WNK3: variants seen among roughly 807,000 people sequenced by gnomAD.
WNK3 encodes the protein WNK lysine deficient protein kinase 3.
Under a neutral mutation model 116.7 loss-of-function variants are expected in WNK3, and 18 were observed. That is an observed-to-expected ratio of 0.15 (90% CI 0.11 to 0.23). WNK3 has a LOEUF of 0.23. Among genes scored for constraint, WNK3 ranks in the 10% least tolerant of loss-of-function variants. The pLI is 1.00. For missense variants in WNK3, 993 were observed against 1,323.8 expected, an observed-to-expected ratio of 0.75 and a Z score of 3.88; for synonymous variants, 404 against 469.4, an observed-to-expected ratio of 0.86 and a Z score of 1.80.
intron 17 of WNK3, among the ~76,000 whole-genome samples, chrX:54,242,344 C>T (rs2068030902): frequency 8.9e-6 from 1 of 112,072 alleles, no homozygotes; most frequent in African/African-American, 3.2e-5. Context: ...AATCTGTCAA[C>T]AGTCCACAGA....
intron 11 of WNK3, among the ~76,000 whole-genome samples, chrX:54,258,277 C>CAAAAAAA: frequency 3.6e-5 from 1 of 28,012 alleles, no homozygotes; most frequent in Non-Finnish European, 7.3e-5. Flanking sequence ...GACTCCATCT[C>CAAAAAAA]AAAAAAAAAA....
At chrX:54,249,525 C>T in exon 17 of WNK3, 1 of 1,211,763 alleles carries the variant, frequency 8.3e-7, no homozygotes, top group South Asian at 1.8e-5. Flanking sequence ...TACCATCAAC[C>T]ACATCCTTGT....
chrX:54,342,134 G>A (rs1417316824), intron 1 of WNK3, among the ~76,000 whole-genome samples: 1 of 110,847 alleles, frequency 9.0e-6, no homozygotes, highest in Admixed American at 9.7e-5. Flanking sequence ...TGGGCACGGT[G>A]GTCCACGCCT....
At chrX:54,266,586 G>A (rs1279019110) in intron 10 of WNK3, among the ~76,000 whole-genome samples, 6 of 110,390 alleles carry the variant, frequency 5.4e-5, no homozygotes, top group African/African-American at 2.0e-4. Flanking sequence ...CAGCCAGGCT[G>A]AAGTGCAATA....
chrX:54,273,537 C>T (rs2068408198), intron 10 of WNK3, among the ~76,000 whole-genome samples: 1 of 111,723 alleles, frequency 9.0e-6, no homozygotes, highest in Non-Finnish European at 1.9e-5. Flanking sequence ...GCGAGACTCC[C>T]ATCTTAAAGC....
At chrX:54,205,291 A>G (rs1230073507) in intron 22 of WNK3, among the ~76,000 whole-genome samples, 12 of 110,532 alleles carry the variant, frequency 1.1e-4, no homozygotes, top group African/African-American at 3.3e-4. Flanking sequence ...AACAAAAAAA[A>G]GAACATTTCT....
At chrX:54,244,706 A>G (rs2068057369) in intron 17 of WNK3, among the ~76,000 whole-genome samples, 1 of 111,957 alleles carries the variant, frequency 8.9e-6, no homozygotes, top group Admixed American at 9.5e-5. Flanking sequence ...ATCTTATGTA[A>G]AGTGCTGATT....
intron 17 of WNK3, among the ~76,000 whole-genome samples, chrX:54,243,903 T>C (rs781938071): frequency 3.6e-5 from 4 of 111,823 alleles, no homozygotes; most frequent in Admixed American, 9.5e-5. Flanking sequence ...AATGAATGGA[T>C]AAACAAAATG....
At chrX:54,201,929 G>T in intron 23 of WNK3, 62 bp downstream of exon 23, 2 of 1,017,439 alleles carry the variant, frequency 2.0e-6, no homozygotes, top group Non-Finnish European at 2.7e-6. Context: ...ATAGGCCTAA[G>T]CGCATCAATT....
intron 1 of WNK3, among the ~76,000 whole-genome samples, chrX:54,335,058 C>T (rs1411247097): frequency 1.8e-5 from 2 of 110,189 alleles, no homozygotes; most frequent in East Asian, 2.8e-4. Context: ...GTCAGGAGTT[C>T]GAGACCAAAC....
At chrX:54,214,489 A>G (rs1017085831) in intron 22 of WNK3, among the ~76,000 whole-genome samples, 2 of 111,776 alleles carry the variant, frequency 1.8e-5, no homozygotes, top group Non-Finnish European at 3.8e-5. Flanking sequence ...AACAATAAAA[A>G]TATAGGCAAA....
At chrX:54,346,003 AATAT>A (rs2069419157) in intron 1 of WNK3, among the ~76,000 whole-genome samples, 1 of 108,465 alleles carries the variant, frequency 9.2e-6, no homozygotes, top group Non-Finnish European at 1.9e-5. Flanking sequence ...TCCCAATATA[AATAT>A]ATAATTACAA....
rs184446758 is a variant in WNK3, at chrX:54,247,741, C to T, written c.3651+956G>A. ...CAGCAATAAAGATTTAGAAAGATGT[C>T]CATGATCTACTGTAAAATGAAAAAA... On this transcript the variant is annotated intron_variant, in intron 17 of 23. Coordinates refer to ENST00000354646, the Ensembl canonical transcript of WNK3. 3.6e-3 allele frequency among the ~76,000 whole-genome samples: 393 copies of T among 109,955 alleles called. 2 individuals are homozygous for T. Among genetic ancestry groups the T allele is most frequent in the African/African-American group, 0.012 (364 of 30,369 alleles).
chrX:54,213,330 G>A (rs782439893), intron 22 of WNK3, among the ~76,000 whole-genome samples: 3 of 108,294 alleles, frequency 2.8e-5, no homozygotes, highest in East Asian at 2.8e-4. Context: ...TGAGGTGGGC[G>A]CATCACAAGG....
chrX:54,249,625 T>C, exon 17 of WNK3: 1 of 1,205,216 alleles, frequency 8.3e-7, no homozygotes, highest in Non-Finnish European at 1.1e-6. Flanking sequence ...ATTACTTGTG[T>C]TTTTTGGACC....
At chrX:54,215,337 C>A (rs369611017) in intron 22 of WNK3, among the ~76,000 whole-genome samples, 1 of 111,036 alleles carries the variant, frequency 9.0e-6, no homozygotes, top group African/African-American at 3.3e-5. Context: ...ATTGCAGGCG[C>A]GCGCCGCCAC....
intron 5 of WNK3, among the ~76,000 whole-genome samples, chrX:54,302,731 C>CTCTCTCTATATATATA (rs1285084720): frequency 2.8e-5 from 1 of 35,535 alleles, no homozygotes. Context: ...CTCTCTCTCT[C>CTCTCTCTATATATATA]TATATATATA....
At chrX:54,258,637 A>G (rs999781697) in intron 11 of WNK3, among the ~76,000 whole-genome samples, 1 of 110,677 alleles carries the variant, frequency 9.0e-6, no homozygotes, top group African/African-American at 3.3e-5. Context: ...CCCGGCCTCT[A>G]ACAATAATTT....
rs3827419 is a variant in WNK3 at position 54,248,575 on chromosome X, G to A, written c.3651+122C>T. The A allele has an allele frequency of 1.5e-3, 886 of 591,572 alleles. 18 individuals carry two copies. In the East Asian group the frequency reaches 0.031, roughly 21 times the overall value. 48.8% of individuals were successfully genotyped at this position (591,572 alleles called of 1,213,427 possible). A position where few individuals can be genotyped will look rare whatever the true frequency, so the allele number is the denominator to read the frequency against. ...TAAGTCATAGCCTTCTTAAATACCT[G>A]TGACCTCAGCATCTTGTGACATAGA... On this transcript the variant is annotated intron_variant, in intron 17 of 23. Coordinates refer to ENST00000354646, the Ensembl canonical transcript of WNK3.
Sources: allele counts gnomAD v4.1 joint callset (sites outside exome capture counted in the v4.1 genomes callset), GRCh38; gene constraint gnomAD v4.1.1; transcripts MANE v1.5; gene names NCBI Gene and HGNC (gene_info 2026-07-23, HGNC 2026-07-21).